The following GALNTL6 variants were observed in gnomAD, a reference collection of about 807,000 sequenced individuals.
GALNTL6 encodes polypeptide N-acetylgalactosaminyltransferase-like 6.
In GALNTL6, 46 loss-of-function variants were observed where a neutral mutation model predicts 73.7. The observed-to-expected ratio is 0.62, with a 90% CI of 0.49 to 0.80. GALNTL6 has a LOEUF of 0.80. Among genes scored for constraint, GALNTL6 ranks in the 30% least tolerant of loss-of-function variants. The probability of loss-of-function intolerance (pLI) is 0.00; values close to 1 mark genes in which losing one functional copy is unlikely to be tolerated. For synonymous variants in GALNTL6, 259 were observed against 263.7 expected, an observed-to-expected ratio of 0.98 and a Z score of 0.17; for missense variants, 604 against 755.0, an observed-to-expected ratio of 0.80 and a Z score of 2.34.
chr4:172,793,693 T>C (rs1740116035), intron 5 of GALNTL6, among the ~76,000 whole-genome samples: 1 of 152,220 alleles, frequency 6.6e-6, no homozygotes, highest in Non-Finnish European at 1.5e-5. Flanking sequence ...CCTTTATCAT[T>C]ACTTGTCATG....
At chr4:171,956,144 G>C (rs1048557109) in intron 2 of GALNTL6, among the ~76,000 whole-genome samples, 1 of 151,754 alleles carries the variant, frequency 6.6e-6, no homozygotes, top group African/African-American at 2.4e-5. Flanking sequence ...CGGGACTACA[G>C]GCATGCGCCA....
intron 2 of GALNTL6, among the ~76,000 whole-genome samples, chr4:172,131,428 TAC>T (rs35699070): frequency 0.5 from 69,041 of 138,434 alleles, 17,138 homozygotes; most frequent in Admixed American, 0.54. Context: ...TATATATATA[TAC>T]ACACACACAC....
chr4:173,032,168 G>A (rs1753487461), intron 12 of GALNTL6, among the ~76,000 whole-genome samples: 1 of 152,186 alleles, frequency 6.6e-6, no homozygotes, highest in Non-Finnish European at 1.5e-5. Context: ...GTAATACAAG[G>A]GCTGGGCGCT....
At chr4:172,250,347 C>T (rs1410526249) in intron 3 of GALNTL6, among the ~76,000 whole-genome samples, 1 of 152,166 alleles carries the variant, frequency 6.6e-6, no homozygotes, top group Non-Finnish European at 1.5e-5. Flanking sequence ...CTTGCCTTGA[C>T]TCAGATGAAA....
chr4:173,012,071 C>T (rs896257879), intron 11 of GALNTL6, among the ~76,000 whole-genome samples: 4 of 152,086 alleles, frequency 2.6e-5, no homozygotes, highest in African/African-American at 9.7e-5. Flanking sequence ...GCTCACCTAA[C>T]CCTTTTCACT....
chr4:172,231,271 T>A (rs1054207312), intron 3 of GALNTL6, among the ~76,000 whole-genome samples: 2 of 152,202 alleles, frequency 1.3e-5, no homozygotes, highest in African/African-American at 4.8e-5. Context: ...AATGTTTTCA[T>A]AATCTTACCA....
Position 172,231,241 on chromosome 4 carries a change from G to A in GALNTL6, c.247+1477G>A, listed in dbSNP as rs992018650. On this transcript the variant is annotated intron_variant, in intron 3 of 12. Coordinates refer to ENST00000506823, the MANE Select transcript of GALNTL6 (RefSeq NM_001034845.3). ...CCACTTGTTTCTCCTTATGACCCCA[G>A]GATGCTGAAGTTTTTTGGAAATGTT... Among the ~76,000 whole-genome samples the A allele has an allele frequency of 2.0e-5, 3 of 151,946 alleles. No homozygotes were observed. In the South Asian group the frequency reaches 6.2e-4, roughly 31 times the overall value.
At chr4:172,046,059 G>T (rs541197327) in intron 2 of GALNTL6, among the ~76,000 whole-genome samples, 1 of 152,044 alleles carries the variant, frequency 6.6e-6, no homozygotes, top group East Asian at 1.9e-4. Context: ...CTATTTCATA[G>T]TGTATATATA....
chr4:172,948,278 C>T (rs990051197), intron 9 of GALNTL6, among the ~76,000 whole-genome samples: 1 of 152,104 alleles, frequency 6.6e-6, no homozygotes, highest in Non-Finnish European at 1.5e-5. Flanking sequence ...TTGTTATTGC[C>T]ATCTTTGCAA....
At chr4:171,969,857 C>T (rs1739509047) in intron 2 of GALNTL6, among the ~76,000 whole-genome samples, 1 of 151,852 alleles carries the variant, frequency 6.6e-6, no homozygotes, top group African/African-American at 2.4e-5. Context: ...GCAACCTCCG[C>T]CTTCAGAGTT....
intron 2 of GALNTL6, among the ~76,000 whole-genome samples, chr4:171,864,786 G>C (rs764669511): frequency 6.6e-6 from 1 of 152,052 alleles, no homozygotes; most frequent in African/African-American, 2.4e-5. Flanking sequence ...CTGCCTTAAT[G>C]AGAAAGACCA....
chr4:172,767,645 T>C (rs1187830358), intron 5 of GALNTL6, among the ~76,000 whole-genome samples: 1 of 150,336 alleles, frequency 6.7e-6, no homozygotes, highest in Non-Finnish European at 1.5e-5. Flanking sequence ...TTTTTTGAGA[T>C]ACTCAAGAAC....
intron 3 of GALNTL6, among the ~76,000 whole-genome samples, chr4:172,305,928 T>C (rs1292013234): frequency 6.6e-6 from 1 of 152,184 alleles, no homozygotes. Flanking sequence ...TAAATTTCCC[T>C]TTAATTGACA....
chr4:171,826,822 C>T (rs511998), intron 2 of GALNTL6, among the ~76,000 whole-genome samples: 103,128 of 151,644 alleles, frequency 0.68, 36,967 homozygotes, highest in East Asian at 0.83. Flanking sequence ...CATCAAGTGG[C>T]GTGTGCTGGT....
chr4:171,961,580 T>C (rs571627260), intron 2 of GALNTL6, among the ~76,000 whole-genome samples: 64 of 152,354 alleles, frequency 4.2e-4, no homozygotes, highest in Non-Finnish European at 7.3e-4. Flanking sequence ...ATCAGTCTTA[T>C]GATTTGTTTT....
chr4:171,971,125 C>T (rs946932996), intron 2 of GALNTL6, among the ~76,000 whole-genome samples: 1 of 152,146 alleles, frequency 6.6e-6, no homozygotes, highest in Non-Finnish European at 1.5e-5. Context: ...TTATCAGGAG[C>T]TTGAATTGTA....
chr4:172,099,902 G>A (rs990894479), intron 2 of GALNTL6, among the ~76,000 whole-genome samples: 10 of 152,050 alleles, frequency 6.6e-5, no homozygotes, highest in Admixed American at 3.3e-4. Context: ...CCTAATGATT[G>A]TTAACAGGGA....
intron 2 of GALNTL6, among the ~76,000 whole-genome samples, chr4:171,918,581 T>G (rs1578971252): frequency 6.6e-6 from 1 of 152,118 alleles, no homozygotes; most frequent in African/African-American, 2.4e-5. Flanking sequence ...GAAAACAATA[T>G]GGAGGTTCCT....
chr4:172,281,574 T>C (rs1033189285), intron 3 of GALNTL6, among the ~76,000 whole-genome samples: 1 of 151,628 alleles, frequency 6.6e-6, no homozygotes, highest in Non-Finnish European at 1.5e-5. Flanking sequence ...AGCCAGGCAT[T>C]GTGGTGCACG....
Sources: allele counts gnomAD v4.1 joint callset (sites outside exome capture counted in the v4.1 genomes callset), GRCh38; gene constraint gnomAD v4.1.1; transcripts MANE v1.5; gene names NCBI Gene and HGNC (gene_info 2026-07-23, HGNC 2026-07-21).